Variants in ALDH3B2 observed in about 807,000 individuals in gnomAD.
ALDH3B2 encodes aldehyde dehydrogenase family 3 member B2.
Under a neutral mutation model 36.7 loss-of-function variants are expected in ALDH3B2, and 45 were observed. The observed-to-expected ratio is 1.23, with a 90% CI of 0.97 to 1.57. ALDH3B2 has a LOEUF of 1.57. Among genes scored for constraint, ALDH3B2 ranks in the 40% most tolerant of loss-of-function variants. The pLI, the probability that ALDH3B2 is intolerant of heterozygous loss-of-function variation, is 0.00. For synonymous variants in ALDH3B2, 217 were observed against 226.5 expected (o/e 0.96, Z 0.38); for missense variants, 464 against 513.3 (o/e 0.90, Z 0.93).
chr11:67,671,854 T>C (rs369295295), intron 1 of ALDH3B2, among the ~76,000 whole-genome samples: 1 of 149,866 alleles, frequency 6.7e-6, no homozygotes, highest in East Asian at 2.0e-4. Context: ...TGCCTCTCAT[T>C]TTATTCACAG....
chr11:67,663,821 C>A, intron 8 of ALDH3B2, 60 bp from the exon 9 acceptor site: 1 of 1,449,468 alleles, frequency 6.9e-7, no homozygotes, highest in South Asian at 1.2e-5. Flanking sequence ...GCTTGAGCCC[C>A]GCACATTCCA....
At chr11:67,666,649 G>A (rs773768354) in exon 4 of ALDH3B2, 2 of 1,614,180 alleles carry the variant, frequency 1.2e-6, no homozygotes, top group Admixed American at 3.3e-5. Context: ...ATGAGGACCA[G>A]GCCAAAGGGT....
intron 4 of ALDH3B2, 52 bp downstream of exon 4, chr11:67,666,522 T>C (rs1375892051): frequency 1.4e-5 from 23 of 1,610,802 alleles, no homozygotes; most frequent in Non-Finnish European, 2.0e-5. Flanking sequence ...GGGGCCTCTT[T>C]GGGAGGGGCT....
intron 2 of ALDH3B2, 88 bp downstream of exon 2, chr11:67,667,385 T>C: frequency 2.9e-6 from 1 of 344,376 alleles, no homozygotes; most frequent in Non-Finnish European, 5.3e-6. Context: ...ACTAGGGACA[T>C]AGCCAGTCAC....
chr11:67,675,251 G>C (rs1214137846), upstream of ALDH3B2, among the ~76,000 whole-genome samples: 5 of 152,182 alleles, frequency 3.3e-5, no homozygotes, highest in Non-Finnish European at 7.3e-5. Flanking sequence ...TAACGTCTCT[G>C]AGCCTTTCGG....
At chr11:67,675,708 G>T (rs1049614205), upstream of ALDH3B2, among the ~76,000 whole-genome samples, 2 of 152,236 alleles carry the variant, frequency 1.3e-5, no homozygotes, top group Admixed American at 6.5e-5. Context: ...AGGGACCTCG[G>T]GATGGGGAAG....
At chr11:67,666,646 C>T in exon 4 of ALDH3B2, 1 of 1,614,146 alleles carries the variant, frequency 6.2e-7, no homozygotes, top group Non-Finnish European at 8.5e-7. Context: ...ATGATGAGGA[C>T]CAGGCCAAAG....
At chr11:67,665,566 C>A in exon 7 of ALDH3B2, 1 of 1,614,114 alleles carries the variant, frequency 6.2e-7, no homozygotes, top group Non-Finnish European at 8.5e-7. Context: ...CTGGGGGTCG[C>A]AGTTGTCGTC....
chr11:67,663,817 G>C, intron 8 of ALDH3B2, 56 bp from the exon 9 acceptor site: 2 of 1,478,454 alleles, frequency 1.4e-6, no homozygotes, highest in South Asian at 2.4e-5. Context: ...GAGGGCTTGA[G>C]CCCCGCACAT....
chr11:67,663,118 A>G (rs78402723), exon 10 of ALDH3B2: 1,257,441 of 1,399,356 alleles, frequency 0.9, 566,304 homozygotes, highest in South Asian at 0.95. Flanking sequence ...GGCTGGGGGA[A>G]CCTGCGGTCT....
chr11:67,666,022 C>A, intron 6 of ALDH3B2, 100 bp downstream of exon 6: 1 of 1,427,628 alleles, frequency 7.0e-7, no homozygotes, highest in South Asian at 1.2e-5. Context: ...TCCCCACGTG[C>A]CCCCACTGCT....
rs145996655 is a variant in ALDH3B2, at chr11:67,669,534, C to T, written c.-244-1899G>A. ...TGTGTATGGGTGTCTGTGTATGTATCAGTGCCTGTGTGTCTATGGGTGTCT... is the reference window on the plus strand; with the variant it reads ...TGTGTATGGGTGTCTGTGTATGTATTAGTGCCTGTGTGTCTATGGGTGTCT... On this transcript the variant is annotated intron_variant, in intron 1 of 9. Transcript: ENST00000349015. Among the ~76,000 whole-genome samples the T allele has an allele frequency of 3.8e-3, 466 of 123,124 alleles. 2 individuals are homozygous for T. The highest frequency in any genetic ancestry group is 0.013 in the Middle Eastern group (2 of 156). 80.8% of individuals were successfully genotyped at this position (123,124 alleles called of 152,430 possible).
upstream of ALDH3B2, among the ~76,000 whole-genome samples, chr11:67,675,619 G>A (rs926635998): frequency 3.9e-5 from 6 of 152,206 alleles, no homozygotes; most frequent in East Asian, 3.8e-4. Flanking sequence ...ACAGCCCAGC[G>A]GAGGCCACAG....
At chr11:67,672,085 A>ATATGTG (rs1555037199) in intron 1 of ALDH3B2, among the ~76,000 whole-genome samples, 25 of 52,828 alleles carry the variant, frequency 4.7e-4, no homozygotes, top group African/African-American at 1.9e-3. Context: ...ATATATATAT[A>ATATGTG]TATGTATGTA....
chr11:67,665,186 G>A (rs916212352), intron 7 of ALDH3B2, 99 bp downstream of exon 7: 86 of 1,510,684 alleles, frequency 5.7e-5, no homozygotes, highest in African/African-American at 1.3e-4. Flanking sequence ...TAGTGGGGCC[G>A]GGTTTCAGGT....
At chr11:67,667,568 C>T in exon 2 of ALDH3B2, 3 of 383,498 alleles carry the variant, frequency 7.8e-6, no homozygotes, top group Non-Finnish European at 9.1e-6. Flanking sequence ...CGGAACTCGG[C>T]CGGCCGCGTG....
Position 67,672,120 on chromosome 11 carries a change from GTGT to G in ALDH3B2, c.-245+2314_-245+2316del, listed in dbSNP as rs1856141969. On this transcript the variant is annotated intron_variant, in intron 1 of 9. Transcript: ENST00000349015. ...ATGTATTTTGTGTGTGTGTGTGTGT[GTGT>G]GTGTGTGTGTGTATATATATATGTA... 1.8e-5 allele frequency among the ~76,000 whole-genome samples: 2 copies of G among 108,132 alleles called. 1 individual carries two copies. The highest frequency in any genetic ancestry group is 3.6e-5 in the Non-Finnish European group (2 of 56,116). The allele number at this position is 108,132 out of a possible 152,430, so 70.9% of individuals were successfully genotyped here. A position where few individuals can be genotyped will look rare whatever the true frequency, so the allele number is the denominator to read the frequency against.
chr11:67,676,256 T>C (rs1210375693), upstream of ALDH3B2, among the ~76,000 whole-genome samples: 2 of 152,064 alleles, frequency 1.3e-5, no homozygotes, highest in Non-Finnish European at 2.9e-5. Context: ...ATATCAGGCA[T>C]GTTCTTAGAC....
At position 67,667,022 on chromosome 11, in the gene ALDH3B2, G is replaced by T. The variant is rs180815086; in HGVS notation, c.-81-6C>A. ...ATGTCTGCCTCGAAAGCTGGCTGTG[G>T]TGGAGGTGGAATTCAGAGTGGTCAG... On this transcript the variant is annotated splice_region_variant and splice_polypyrimidine_tract_variant and intron_variant, in intron 2 of 9. Transcript: ENST00000349015. 2.6e-6 allele frequency: 4 copies of T among 1,559,176 alleles called. No homozygotes were observed. The highest frequency in any genetic ancestry group is 1.7e-4 in the Middle Eastern group (1 of 5,954).
Sources: gnomAD v4.1 joint callset for allele counts (sites outside exome capture counted in the v4.1 genomes callset) on GRCh38, gnomAD v4.1.1 for gene constraint, MANE v1.5 for transcripts, NCBI Gene and HGNC (gene_info 2026-07-23, HGNC 2026-07-21) for gene names.